RGS7: variants seen among roughly 807,000 people sequenced by gnomAD.
RGS7 encodes the protein regulator of G-protein signaling 7.
RGS7 carries 27 observed loss-of-function variants against 81.1 expected under a neutral mutation model. The observed-to-expected ratio is 0.33, with a 90% CI of 0.25 to 0.46. The LOEUF (loss-of-function observed/expected upper bound fraction) is 0.46, where lower values mean the gene tolerates loss of function less well. Among genes scored for constraint, RGS7 ranks in the 20% least tolerant of loss-of-function variants. The pLI is 1.00. For missense variants in RGS7, 396 were observed against 607.4 expected (o/e 0.65, Z 3.66); for synonymous variants, 208 against 207.7 (o/e 1.00, Z -0.01).
chr1:241,069,066 C>A (rs964702593), intron 3 of RGS7, among the ~76,000 whole-genome samples: 2 of 152,162 alleles, frequency 1.3e-5, no homozygotes, highest in African/African-American at 4.8e-5. Flanking sequence ...CAGATGCCTC[C>A]ATGCTTCCTC....
chr1:241,248,162 C>A (rs2076642993), intron 2 of RGS7, among the ~76,000 whole-genome samples: 1 of 151,942 alleles, frequency 6.6e-6, no homozygotes, highest in African/African-American at 2.4e-5. Context: ...CTTTTTATGT[C>A]TAATAAGACT....
chr1:241,356,466 C>T (rs1329762117), intron 1 of RGS7, among the ~76,000 whole-genome samples: 4 of 152,174 alleles, frequency 2.6e-5, no homozygotes, highest in African/African-American at 9.7e-5. Flanking sequence ...CGGAGGTAAT[C>T]CTGCCTAATT....
chr1:241,220,835 A>C (rs1453507900), intron 2 of RGS7, among the ~76,000 whole-genome samples: 1 of 151,812 alleles, frequency 6.6e-6, no homozygotes, highest in African/African-American at 2.4e-5. Context: ...AAGAAGTTTG[A>C]GGCCGCAGTG....
intron 2 of RGS7, among the ~76,000 whole-genome samples, chr1:241,177,264 A>ACAT (rs759343742): frequency 1.3e-3 from 194 of 152,332 alleles, no homozygotes; most frequent in Non-Finnish European, 1.8e-3. Context: ...GTGAGCAGAC[A>ACAT]CTGGAGTGAC....
chr1:241,171,071 T>C (rs1456170608), intron 2 of RGS7, among the ~76,000 whole-genome samples: 1 of 152,230 alleles, frequency 6.6e-6, no homozygotes, highest in Non-Finnish European at 1.5e-5. Flanking sequence ...CACTTTGTGA[T>C]AATAGCCATG....
intron 6 of RGS7, among the ~76,000 whole-genome samples, chr1:240,877,744 T>C (rs1374567243): frequency 6.6e-6 from 1 of 152,224 alleles, no homozygotes; most frequent in Non-Finnish European, 1.5e-5. Context: ...TGTCTTTATG[T>C]ATGCATCTTT....
chr1:240,818,069 T>TC (rs1691142514), intron 10 of RGS7, among the ~76,000 whole-genome samples: 1 of 152,204 alleles, frequency 6.6e-6, no homozygotes, highest in Admixed American at 6.5e-5. Context: ...GATATCCATT[T>TC]CTTTTTTTTC....
At chr1:241,217,158 C>T (rs1186886256) in intron 2 of RGS7, among the ~76,000 whole-genome samples, 1 of 152,032 alleles carries the variant, frequency 6.6e-6, no homozygotes, top group African/African-American at 2.4e-5. Flanking sequence ...GGATTGGTGT[C>T]CTTATAGGAA....
chr1:241,112,221 T>C (rs944532743), intron 2 of RGS7, among the ~76,000 whole-genome samples: 1 of 152,184 alleles, frequency 6.6e-6, no homozygotes, highest in African/African-American at 2.4e-5. Context: ...AATGATGTGA[T>C]ATCAAGAAAT....
At chr1:240,851,860 C>G (rs1470039812) in intron 9 of RGS7, among the ~76,000 whole-genome samples, 1 of 152,136 alleles carries the variant, frequency 6.6e-6, no homozygotes, top group Admixed American at 6.5e-5. Context: ...ATTGTTGAAC[C>G]TCATGATAAA....
rs113168666 is a variant in RGS7 at position 240,991,387 on chromosome 1, G to A, written c.176-8258C>T. Among the ~76,000 whole-genome samples the A allele has an allele frequency of 7.9e-3, 1,199 of 152,294 alleles. 24 individuals are homozygous for A. The highest frequency in any genetic ancestry group is 0.027 in the African/African-American group (1,140 of 41,556). On this transcript the variant is annotated intron_variant, in intron 3 of 18. Coordinates refer to ENST00000440928, the MANE Select transcript of RGS7 (RefSeq NM_001364886.1). ...TAAAAGGTAATGGAGACCACCCTCA[G>A]GATTATTTCCTGCCCTCTACTGGAG...
intron 2 of RGS7, among the ~76,000 whole-genome samples, chr1:241,210,588 T>C (rs993551262): frequency 6.6e-6 from 1 of 152,228 alleles, no homozygotes; most frequent in African/African-American, 2.4e-5. Flanking sequence ...TTAAATAGCA[T>C]GAAACATATG....
chr1:241,005,851 G>A (rs1472609014), intron 3 of RGS7, among the ~76,000 whole-genome samples: 2 of 152,068 alleles, frequency 1.3e-5, no homozygotes, highest in Non-Finnish European at 2.9e-5. Flanking sequence ...GGCATCTTTT[G>A]CTCAACATAC....
At position 241,116,608 on chromosome 1, in the gene RGS7, C is replaced by T. The variant is rs967855263; in HGVS notation, c.79-17846G>A. 5.9e-5 allele frequency among the ~76,000 whole-genome samples: 9 copies of T among 152,202 alleles called. No homozygotes were observed. The East Asian group carries it at 7.7e-4, about 13-fold the overall frequency. On this transcript the variant is annotated intron_variant, in intron 2 of 18. Coordinates refer to ENST00000440928, the MANE Select transcript of RGS7 (RefSeq NM_001364886.1). ...AGGGTGACAGACAACAGTTCATATA[C>T]TAATAAAGTAAAATTTGACCTCTAT...
At chr1:241,342,033 C>T (rs953246025) in intron 2 of RGS7, among the ~76,000 whole-genome samples, 2 of 151,864 alleles carry the variant, frequency 1.3e-5, no homozygotes, top group African/African-American at 2.4e-5. Context: ...TACCACCACA[C>T]CTGTCTAATT....
intron 2 of RGS7, among the ~76,000 whole-genome samples, chr1:241,224,136 GTGCAGAACA>G (rs1282866106): frequency 1.3e-5 from 2 of 151,650 alleles, no homozygotes; most frequent in African/African-American, 4.9e-5. Flanking sequence ...TGGGGTACAT[GTGCAGAACA>G]TGCAGTTTTG....
chr1:240,853,857 G>C (rs376476029), intron 9 of RGS7, among the ~76,000 whole-genome samples: 23 of 121,238 alleles, frequency 1.9e-4, no homozygotes, highest in South Asian at 2.8e-4. Flanking sequence ...GCCGAGATCA[G>C]GCCACTGCAC....
chr1:241,171,024 C>T (rs1429724338), intron 2 of RGS7, among the ~76,000 whole-genome samples: 2 of 152,108 alleles, frequency 1.3e-5, no homozygotes, highest in Non-Finnish European at 2.9e-5. Context: ...GTCCTATAAA[C>T]TTTAATCATC....
chr1:240,948,178 A>AT (rs934726688), intron 4 of RGS7, among the ~76,000 whole-genome samples: 3 of 151,984 alleles, frequency 2.0e-5, no homozygotes, highest in Admixed American at 1.3e-4. Flanking sequence ...ATATTTACCT[A>AT]TTTTTTTATT....
Sources: gnomAD v4.1 joint callset for allele counts (sites outside exome capture counted in the v4.1 genomes callset) on GRCh38, gnomAD v4.1.1 for gene constraint, MANE v1.5 for transcripts, NCBI Gene and HGNC (gene_info 2026-07-23, HGNC 2026-07-21) for gene names.